Variants in BST1 observed in about 807,000 individuals in gnomAD.
BST1 encodes bone marrow stromal cell antigen 1, also known as ADP-ribosyl cyclase/cyclic ADP-ribose hydrolase 2.
Under a neutral mutation model 40.6 loss-of-function variants are expected in BST1, and 49 were observed. The ratio of observed to expected loss-of-function variants is 1.21; its 90% CI spans 0.96 to 1.53. The LOEUF is 1.53. Ranked by LOEUF, BST1 falls within the 40% of genes most tolerant of loss-of-function variation. The pLI is 0.00. For synonymous variants in BST1, 157 were observed against 159.3 expected (o/e 0.99, Z 0.11); for missense variants, 423 against 395.9 (o/e 1.07, Z -0.58).
intron 6 of BST1, 76 bp from the exon 7 acceptor site, chr4:15,718,831 T>A: frequency 7.8e-7 from 1 of 1,277,378 alleles, no homozygotes; most frequent in Admixed American, 2.2e-5. Context: ...CAAAAGAAAT[T>A]ATGTTTAACC....
At chr4:15,719,412 A>G (rs1474604500) in intron 7 of BST1, among the ~76,000 whole-genome samples, 1 of 152,132 alleles carries the variant, frequency 6.6e-6, no homozygotes, top group Non-Finnish European at 1.5e-5. Flanking sequence ...GACCAATAGG[A>G]AAATAATAAT....
chr4:15,752,629 C>G, the BST1 span, among the ~76,000 whole-genome samples: 1 of 151,876 alleles, frequency 6.6e-6, no homozygotes, highest in African/African-American at 2.4e-5. Flanking sequence ...CTCAAGTGAT[C>G]CACCTGCCTC....
intron 6 of BST1, among the ~76,000 whole-genome samples, chr4:15,718,696 G>A (rs1720642026): frequency 6.6e-6 from 1 of 152,190 alleles, no homozygotes; most frequent in South Asian, 2.1e-4. Flanking sequence ...CCCAGCTTCA[G>A]GCCCGGTGCT....
Position 15,707,663 on chromosome 4 carries a change from AATCACAGGAG to A in BST1, c.451+19_451+28del. 1.2e-6 allele frequency: 2 copies of A among 1,612,886 alleles called. No homozygotes were observed. Among genetic ancestry groups the A allele is most frequent in the Non-Finnish European group, 1.7e-6 (2 of 1,179,596 alleles). On this transcript the variant is annotated intron_variant, in intron 3 of 8. Coordinates refer to ENST00000265016, the MANE Select transcript of BST1 (RefSeq NM_004334.3). Reference sequence around the variant, plus strand: ...ATGACTCTGGTAAGACTCCTGCACAAATCACAGGAGACTTAAGAACTCCTATTTACTATGC... The same window carrying A: ...ATGACTCTGGTAAGACTCCTGCACAAACTTAAGAACTCCTATTTACTATGC...
At chr4:15,723,539 C>T (rs1474538941) in intron 8 of BST1, 3 of 985,388 alleles carry the variant, frequency 3.0e-6, no homozygotes, top group South Asian at 4.7e-5. Context: ...TAAGCCACCA[C>T]GCCTGGCCCA....
At chr4:15,772,857 C>A in the BST1 span, among the ~76,000 whole-genome samples, 2 of 152,130 alleles carry the variant, frequency 1.3e-5, no homozygotes, top group East Asian at 3.8e-4. Flanking sequence ...AGAAGGCCAG[C>A]AGGAGTGGAG....
At chr4:15,733,741 G>A (rs1386820450), downstream of BST1, among the ~76,000 whole-genome samples, 2 of 152,186 alleles carry the variant, frequency 1.3e-5, no homozygotes, top group East Asian at 3.9e-4. Flanking sequence ...TCTGTCATGA[G>A]ACAGCACTAG....
chr4:15,764,669 G>A, the BST1 span, among the ~76,000 whole-genome samples: 64 of 151,884 alleles, frequency 4.2e-4, no homozygotes, highest in African/African-American at 1.4e-3. Context: ...TTCTGGTGAC[G>A]ACACCCTGAT....
At chr4:15,726,969 C>T (rs112999987) in intron 8 of BST1, among the ~76,000 whole-genome samples, 4,621 of 150,834 alleles carry the variant, frequency 0.031, 239 homozygotes, top group East Asian at 0.26. Context: ...CTCCCGGGTT[C>T]AAGCAATTCC....
At chr4:15,735,936 G>GA (rs33936701), downstream of BST1, 4 of 470,946 alleles carry the variant, frequency 8.5e-6, no homozygotes, top group South Asian at 4.5e-5. Context: ...CTCTTTACTT[G>GA]AAAAAAATCT....
At chr4:15,706,477 C>G (rs1483048701) in intron 2 of BST1, among the ~76,000 whole-genome samples, 1 of 152,096 alleles carries the variant, frequency 6.6e-6, no homozygotes, top group Non-Finnish European at 1.5e-5. Context: ...TTAAGAAAAC[C>G]ACATATCTAT....
the BST1 span, among the ~76,000 whole-genome samples, chr4:15,771,382 A>G: frequency 2.0e-5 from 3 of 152,172 alleles, no homozygotes; most frequent in African/African-American, 7.2e-5. Flanking sequence ...CTTCCCCCCA[A>G]ATATACCACA....
chr4:15,722,784 C>G (rs1412803664), intron 7 of BST1, 91 bp from the exon 8 acceptor site: 1 of 1,060,582 alleles, frequency 9.4e-7, no homozygotes, highest in Non-Finnish European at 1.4e-6. Flanking sequence ...TCAGAGACTA[C>G]TGTATCTCCA....
the BST1 span, among the ~76,000 whole-genome samples, chr4:15,746,527 C>T: frequency 6.6e-6 from 1 of 152,208 alleles, no homozygotes; most frequent in African/African-American, 2.4e-5. Flanking sequence ...AGAAGTGTGC[C>T]AAACTCATCA....
chr4:15,720,020 G>T (rs1720726329), intron 7 of BST1, among the ~76,000 whole-genome samples: 1 of 152,140 alleles, frequency 6.6e-6, no homozygotes, highest in Non-Finnish European at 1.5e-5. Flanking sequence ...TACAAACCAT[G>T]AGTACACAGG....
intron 4 of BST1, among the ~76,000 whole-genome samples, chr4:15,712,216 G>T (rs943688550): frequency 6.6e-6 from 1 of 152,110 alleles, no homozygotes. Context: ...CATAAAATGG[G>T]GCAACTCCTG....
At chr4:15,715,159 A>G in intron 4 of BST1, 126 bp from the exon 5 acceptor site, 1 of 857,384 alleles carries the variant, frequency 1.2e-6, no homozygotes, top group Non-Finnish European at 1.8e-6. Context: ...CTACTAAGCC[A>G]TATGAAATGC....
the BST1 span, among the ~76,000 whole-genome samples, chr4:15,760,686 T>A: frequency 2.2e-4 from 33 of 150,518 alleles, no homozygotes; most frequent in Middle Eastern, 3.5e-3. Flanking sequence ...TACTATATAT[T>A]TATTTATTTA....
chr4:15,741,116 C>T (rs202210567), downstream of BST1, among the ~76,000 whole-genome samples: 2 of 151,556 alleles, frequency 1.3e-5, no homozygotes, highest in Admixed American at 6.6e-5. Context: ...TGAATTTGGC[C>T]GTTACTCACT....
Sources: allele counts gnomAD v4.1 joint callset (sites outside exome capture counted in the v4.1 genomes callset), GRCh38; gene constraint gnomAD v4.1.1; transcripts MANE v1.5; gene names NCBI Gene and HGNC (gene_info 2026-07-23, HGNC 2026-07-21).